FAM120B: variants seen among roughly 807,000 people sequenced by gnomAD.
FAM120B encodes constitutive coactivator of peroxisome proliferator-activated receptor gamma.
Under a neutral mutation model 96.3 loss-of-function variants are expected in FAM120B, and 83 were observed. The observed-to-expected ratio is 0.86, with a 90% confidence interval of 0.72 to 1.03. The LOEUF is 1.03. Among genes scored for constraint, FAM120B ranks in the 50% least tolerant of loss-of-function variants. The probability of loss-of-function intolerance (pLI) is 0.00; values close to 1 mark genes in which losing one functional copy is unlikely to be tolerated. For synonymous variants in FAM120B, 407 were observed against 402.7 expected, an observed-to-expected ratio of 1.01 and a Z score of -0.13; for missense variants, 1,027 against 1,121.2, an observed-to-expected ratio of 0.92 and a Z score of 1.20.
chr6:170,324,687 T>TA (rs1159286405), intron 3 of FAM120B, among the ~76,000 whole-genome samples: 2 of 152,226 alleles, frequency 1.3e-5, no homozygotes, highest in Non-Finnish European at 2.9e-5. Context: ...GATAACCACA[T>TA]AAAAAAACCA....
At chr6:170,316,277 T>G (rs1784896981) in intron 1 of FAM120B, among the ~76,000 whole-genome samples, 1 of 152,196 alleles carries the variant, frequency 6.6e-6, no homozygotes, top group Non-Finnish European at 1.5e-5. Flanking sequence ...ACCCATGTGC[T>G]TAGTCACCTC....
chr6:170,403,148 C>T (rs1030364270), intron 9 of FAM120B, among the ~76,000 whole-genome samples: 5 of 152,274 alleles, frequency 3.3e-5, no homozygotes, highest in South Asian at 2.1e-4. Context: ...GCCTTCCATG[C>T]GGAAGTAGTT....
rs770638492 is a variant in FAM120B at position 170,318,746 on chromosome 6, T to C, written c.1356T>C (p.Tyr452=). Residue 452 remains tyrosine (Y), a synonymous_variant, in exon 2 of 11, where the codon TAT becomes TAC. Transcript: ENST00000476287. ...AACCCAGGCAAGAAGTTCCCATGTATACAGGCTCTGAACCCAGGCAAGAAG... is the reference window on the plus strand; with the variant it reads ...AACCCAGGCAAGAAGTTCCCATGTACACAGGCTCTGAACCCAGGCAAGAAG... ...DSEPRQEVPM[Y]TGSEPRQEVP... The C allele has an allele frequency of 2.5e-6, 4 of 1,594,248 alleles. No individual in the cohort carries two copies. Among genetic ancestry groups the C allele is most frequent in the Admixed American group, 1.7e-5 (1 of 58,574 alleles).
At chr6:170,325,535 TAA>T (rs5881868) in intron 3 of FAM120B, among the ~76,000 whole-genome samples, 9 of 139,166 alleles carry the variant, frequency 6.5e-5, no homozygotes, top group Admixed American at 7.2e-5. Flanking sequence ...GATTTACCTT[TAA>T]AAAAAAAAAA....
chr6:170,358,232 A>C lies in FAM120B; in HGVS notation c.2197A>C (p.Thr733Pro), dbSNP rs1377970060. 2 of 1,601,152 alleles carry C rather than the reference A, an allele frequency of 1.2e-6. No individual in the cohort carries two copies. Among genetic ancestry groups the C allele is most frequent in the Non-Finnish European group, 1.7e-6 (2 of 1,170,950 alleles). The change falls in exon 6 of 11, where the codon ACG (threonine) becomes CCG (proline). Residue 733 changes from threonine to proline, a missense_variant. This residue lies in a region of FAM120B where 880 missense variants were observed against 980.9 expected (regional missense o/e 0.90). Transcript: ENST00000476287. ...LLIYLFVQVD[T>P]LCLEDLHAFI... is the part of the protein sequence containing the mutation. ...CTTTCTCTGTCCTTTTCAGGTGGACACGCTTTGCCTGGAGGATTTGCATGC... is the reference window on the plus strand; with the variant it reads ...CTTTCTCTGTCCTTTTCAGGTGGACCCGCTTTGCCTGGAGGATTTGCATGC...
chr6:170,361,216 A>ATATACGTG lies in FAM120B; in HGVS notation c.2283+2902_2283+2903insCGTGTATA, dbSNP rs1554286418. On this transcript the variant is annotated intron_variant, in intron 6 of 10. Transcript: ENST00000476287. Reference sequence around the variant, plus strand: ...TATACGTGTATATATATATATATATATATATATATATATATATATACACGT... The same window carrying ATATACGTG: ...TATACGTGTATATATATATATATATATATACGTGTATATATATATATATATATACACGT... 3.4e-4 allele frequency among the ~76,000 whole-genome samples: 36 copies of ATATACGTG among 106,820 alleles called. 1 individual carries two copies. The highest frequency in any genetic ancestry group is 1.2e-3 in the African/African-American group (31 of 26,048). The allele number at this position is 106,820 out of a possible 152,430, so 70.1% of individuals were successfully genotyped here.
rs78092400 is a variant in FAM120B, at chr6:170,377,369, T to C, written c.2284-10918T>C. 4.9e-4 allele frequency among the ~76,000 whole-genome samples: 25 copies of C among 51,190 alleles called. 1 individual carries two copies. The highest frequency in any genetic ancestry group is 2.0e-3 in the South Asian group (2 of 980). 33.6% of individuals were successfully genotyped at this position (51,190 alleles called of 152,430 possible). On this transcript the variant is annotated intron_variant, in intron 6 of 10. Transcript: ENST00000476287. ...ACACGCGTCCCTAAACCCAGACGCC[T>C]GGGAGAACACAGGCTCACGCTGCTC...
At chr6:170,384,723 G>A (rs777503396) in intron 6 of FAM120B, among the ~76,000 whole-genome samples, 20 of 152,242 alleles carry the variant, frequency 1.3e-4, no homozygotes, top group Non-Finnish European at 2.6e-4. Context: ...ACAAACTGTA[G>A]CCAGTAGGCC....
At chr6:170,303,315 C>G (rs1784181432), upstream of FAM120B, among the ~76,000 whole-genome samples, 1 of 152,212 alleles carries the variant, frequency 6.6e-6, no homozygotes, top group African/African-American at 2.4e-5. Context: ...TCCCAGCTCA[C>G]TGCAGACTGA....
In FAM120B at chr6:170,317,814, C is replaced by T. The variant is rs1253797910; in HGVS notation, c.424C>T (p.Arg142Ter). Residue 142 changes from arginine to a stop codon, truncating the protein, a stop_gained, in exon 2 of 11, where the codon CGA becomes TGA. Transcript: ENST00000476287. LOFTEE classifies it high-confidence loss of function. ...FIPSGLAVFT[R>*]FALKTLGQET... ...CCCCTCAGGGCTAGCTGTGTTTACA[C>T]GATTTGCTCTAAAGACACTGGGCCA... 4 of 1,614,176 alleles carry T rather than the reference C, an allele frequency of 2.5e-6. No individual in the cohort carries two copies. Among genetic ancestry groups the T allele is most frequent in the African/African-American group, 1.3e-5 (1 of 75,040 alleles).
Position 170,318,616 on chromosome 6 carries a change from C to G in FAM120B, c.1226C>G (p.Pro409Arg), listed in dbSNP as rs1306429404. Residue 409 changes from proline (P) to arginine (R), a missense_variant, in exon 2 of 11, where the codon CCC becomes CGC. Transcript: ENST00000476287. The stretch of plus-strand genomic sequence containing the variant: ...GTTCCCATGTGTTCAGACCCTGAAC[C>G]CAGGCAAGAAGTTCCCATGTGTACA... ...REVPMCSDPE[P>R]RQEVPMCTGP... The G allele has an allele frequency of 6.3e-7, 1 of 1,597,650 alleles. No individual in the cohort carries two copies. Among genetic ancestry groups the G allele is most frequent in the Non-Finnish European group, 8.5e-7 (1 of 1,171,108 alleles).
chr6:170,357,848 G>C (rs920124019), intron 5 of FAM120B, among the ~76,000 whole-genome samples: 2 of 152,236 alleles, frequency 1.3e-5, no homozygotes, highest in Non-Finnish European at 2.9e-5. Context: ...ACCATAGAGA[G>C]AGCTTCACAG....
In FAM120B at chr6:170,348,327, A is replaced by G. The variant is rs1787348372; in HGVS notation, c.2190+4A>G. Reference sequence around the variant, plus strand: ...CTTGATCTACCTCTTTGTCCAGGTAATGTCCAGCTGCCCGTTCTAGTCACT... The same window carrying G: ...CTTGATCTACCTCTTTGTCCAGGTAGTGTCCAGCTGCCCGTTCTAGTCACT... On this transcript the variant is annotated splice_donor_region_variant and intron_variant, in intron 5 of 10. Transcript: ENST00000476287. 2 of 1,612,212 alleles carry G rather than the reference A, an allele frequency of 1.2e-6. No individual in the cohort carries two copies. The highest frequency in any genetic ancestry group is 1.7e-6 in the Non-Finnish European group (2 of 1,179,646).
In FAM120B at chr6:170,390,276, G is replaced by A. The variant is rs75868547; in HGVS notation, c.2491-737G>A. On this transcript the variant is annotated intron_variant, in intron 7 of 10. Coordinates refer to ENST00000476287, the MANE Select transcript of FAM120B (RefSeq NM_032448.3). ...GACTGCAAGTATTTAGAACTTAGAAGCAGCCTGAATTTTATAGAGAGCAAA... is the reference window on the plus strand; with the variant it reads ...GACTGCAAGTATTTAGAACTTAGAAACAGCCTGAATTTTATAGAGAGCAAA... 5.8e-3 allele frequency among the ~76,000 whole-genome samples: 885 copies of A among 152,254 alleles called. 8 individuals carry two copies. Among genetic ancestry groups the A allele is most frequent in the African/African-American group, 0.02 (845 of 41,554 alleles).
At position 170,395,541 on chromosome 6, in the gene FAM120B, G is replaced by T; in HGVS notation, c.2654G>T (p.Arg885Leu). The T allele has an allele frequency of 6.2e-7, 1 of 1,600,038 alleles. No homozygotes were observed. ...CACAGGACGGGCTCTGGGTATAGCC[G>T]TTCCAGTCAGGGACAGCCGTGGAGA... The part of the protein sequence containing the change: ...SYHRTGSGYS[R>L]SSQGQPWRDQ... Residue 885 changes from arginine to leucine, a missense_variant, in exon 9 of 11, where the codon CGT becomes CTT. By Grantham distance (102) the Arg-to-Leu change is moderately radical (BLOSUM62 -2). Coordinates refer to ENST00000476287, the MANE Select transcript of FAM120B (RefSeq NM_032448.3).
chr6:170,402,709 T>C (rs1264654228), intron 9 of FAM120B, among the ~76,000 whole-genome samples: 4 of 152,230 alleles, frequency 2.6e-5, no homozygotes, highest in Non-Finnish European at 5.9e-5. Context: ...TCTCACCACC[T>C]ACAGGACCAC....
chr6:170,348,237 A>C lies in FAM120B; in HGVS notation c.2104A>C (p.Asn702His). The C allele has an allele frequency of 1.2e-6, 2 of 1,614,088 alleles. No homozygotes were observed. Among genetic ancestry groups the C allele is most frequent in the East Asian group, 2.2e-5 (1 of 44,876 alleles). Residue 702 changes from asparagine to histidine, a missense_variant, in exon 5 of 11, where the codon AAT becomes CAT. Asn to His is a moderately conservative substitution (Grantham distance 68, BLOSUM62 1). This residue lies in a region of FAM120B where 880 missense variants were observed against 980.9 expected (regional missense o/e 0.90). Coordinates refer to ENST00000476287, the MANE Select transcript of FAM120B (RefSeq NM_032448.3). ...RRLDTLLACF[N>H]LSSSREELQA... ...CTTGGACACACTCCTAGCCTGTTTC[A>C]ATCTTTCCTCCTCAAGAGAAGAGCT...
chr6:170,356,499 T>A (rs1019468648), intron 5 of FAM120B, among the ~76,000 whole-genome samples: 4 of 152,190 alleles, frequency 2.6e-5, no homozygotes, highest in Non-Finnish European at 5.9e-5. Flanking sequence ...AACATACTGT[T>A]CAGTGCATGA....
At chr6:170,329,639 G>A (rs577595572) in intron 3 of FAM120B, among the ~76,000 whole-genome samples, 3 of 151,122 alleles carry the variant, frequency 2.0e-5, no homozygotes, top group Admixed American at 6.6e-5. Flanking sequence ...TCTTTATCCT[G>A]TGATTAGCGA....
Sources: gnomAD v4.1 joint callset for allele counts (sites outside exome capture counted in the v4.1 genomes callset) on GRCh38, gnomAD v4.1.1 for gene constraint, gnomAD v4.1.1 regional missense constraint, MANE v1.5 for transcripts, NCBI Gene and HGNC (gene_info 2026-07-23, HGNC 2026-07-21) for gene names.